SLC39A11: variants seen among roughly 807,000 people sequenced by gnomAD.
SLC39A11 encodes the protein solute carrier family 39 member 11.
A neutral mutation model predicts 36.1 loss-of-function variants in SLC39A11; 33 were observed. The observed-to-expected ratio is 0.91, with a 90% CI of 0.69 to 1.22. The LOEUF (loss-of-function observed/expected upper bound fraction) is 1.22. SLC39A11 is among the 50% of genes most tolerant of loss of function. The probability of loss-of-function intolerance (pLI) is 0.00; values close to 1 mark genes in which losing one functional copy is unlikely to be tolerated. For synonymous variants in SLC39A11, 166 were observed against 170.3 expected, an observed-to-expected ratio of 0.97 and a Z score of 0.20; for missense variants, 432 against 430.3, an observed-to-expected ratio of 1.00 and a Z score of -0.03.
rs202177814 is a variant in SLC39A11, at chr17:72,849,824, A to C, written c.431-20T>G. The C allele has an allele frequency of 1.4e-4, 197 of 1,372,128 alleles. 1 individual carries two copies. The African/African-American group carries it at 2.7e-3, about 19-fold the overall frequency. The allele number at this position is 1,372,128 out of a possible 1,614,324, so 85.0% of individuals were successfully genotyped here. On this transcript the variant is annotated intron_variant, in intron 5 of 9. Transcript: ENST00000255559. Reference sequence around the variant, plus strand: ...TCTTGTCTGAGCAAAAAAAAAAAAAAAGAGAGATGGGGAAAGACAGCGCTT... The same window carrying C: ...TCTTGTCTGAGCAAAAAAAAAAAAACAGAGAGATGGGGAAAGACAGCGCTT...
chr17:72,951,776 T>C (rs1172191460), intron 4 of SLC39A11, among the ~76,000 whole-genome samples: 1 of 152,126 alleles, frequency 6.6e-6, no homozygotes, highest in Non-Finnish European at 1.5e-5. Context: ...CATTATTAAC[T>C]GTAAAGACAG....
intron 3 of SLC39A11, among the ~76,000 whole-genome samples, chr17:73,058,497 C>T (rs1409931766): frequency 6.6e-6 from 1 of 152,096 alleles, no homozygotes; most frequent in African/African-American, 2.4e-5. Flanking sequence ...CCCAGACGGG[C>T]AGATCACCTG....
At chr17:72,887,419 C>G (rs7223107) in intron 5 of SLC39A11, among the ~76,000 whole-genome samples, 1 of 152,022 alleles carries the variant, frequency 6.6e-6, no homozygotes, top group South Asian at 2.1e-4. Context: ...GCACTTCTCC[C>G]GAGGGCTCTG....
intron 6 of SLC39A11, chr17:72,838,136 TAAAATTA>T: frequency 2.3e-6 from 1 of 426,970 alleles, no homozygotes; most frequent in Non-Finnish European, 4.0e-6. Flanking sequence ...AGAAAAAAAT[TAAAATTA>T]AAAATTAAAA....
At chr17:72,837,436 T>A (rs2078609218) in intron 6 of SLC39A11, among the ~76,000 whole-genome samples, 1 of 145,768 alleles carries the variant, frequency 6.9e-6, no homozygotes, top group Non-Finnish European at 1.5e-5. Flanking sequence ...ACAGAGATTA[T>A]CCCTTTGTGT....
At position 72,729,430 on chromosome 17, in the gene SLC39A11, TATATATA is replaced by T. The variant is rs2074090666; in HGVS notation, c.671+7213_671+7219del. Among the ~76,000 whole-genome samples the T allele has an allele frequency of 1.3e-3, 4 of 3,178 alleles. 1 individual carries two copies. The highest frequency in any genetic ancestry group is 7.6e-3 in the Admixed American group (2 of 264). 2.1% of individuals were successfully genotyped at this position (3,178 alleles called of 152,430 possible). A position where few individuals can be genotyped will look rare whatever the true frequency, so the allele number is the denominator to read the frequency against. On this transcript the variant is annotated intron_variant, in intron 7 of 9. Transcript: ENST00000255559. ...TTATATATATATATATATATATATA[TATATATA>T]TATATATATATATATATATATTTTT...
At chr17:72,980,272 A>T (rs1014806109) in intron 4 of SLC39A11, among the ~76,000 whole-genome samples, 8 of 152,238 alleles carry the variant, frequency 5.3e-5, no homozygotes, top group African/African-American at 1.9e-4. Flanking sequence ...CAGATGGAAT[A>T]TGTCATGAAA....
rs1192504793 is a variant in SLC39A11, at chr17:73,079,926, GA to G, written c.147+4881del. ...GCAAAATAATAATAATAATACTTAGGAATACACCTAACCAAGGAGGTGAAAG... is the reference window on the plus strand; with the variant it reads ...GCAAAATAATAATAATAATACTTAGGATACACCTAACCAAGGAGGTGAAAG... On this transcript the variant is annotated intron_variant, in intron 3 of 9. Transcript: ENST00000255559. 3.9e-5 allele frequency among the ~76,000 whole-genome samples: 6 copies of G among 152,024 alleles called. No individual in the cohort carries two copies. The South Asian group carries it at 1.2e-3, about 32-fold the overall frequency.
At chr17:73,030,194 T>A (rs544287724) in intron 4 of SLC39A11, among the ~76,000 whole-genome samples, 1 of 152,350 alleles carries the variant, frequency 6.6e-6, no homozygotes, top group Non-Finnish European at 1.5e-5. Flanking sequence ...GGCAGCTGGC[T>A]GCCCACCTCC....
intron 6 of SLC39A11, among the ~76,000 whole-genome samples, chr17:72,807,764 G>T (rs80025050): frequency 0.011 from 1,700 of 152,294 alleles, 26 homozygotes; most frequent in African/African-American, 0.038. Context: ...TATCCTTTTA[G>T]GATAAAGTGG....
At chr17:72,648,681 G>T in intron 9 of SLC39A11, 122 bp downstream of exon 9, 1 of 1,207,272 alleles carries the variant, frequency 8.3e-7, no homozygotes, top group Non-Finnish European at 1.2e-6. Context: ...ATGATCTTGG[G>T]AAGGGGCAGA....
rs145876771 is a variant in SLC39A11, at chr17:73,013,809, C to T, written c.306+17747G>A. On this transcript the variant is annotated intron_variant, in intron 4 of 9. Coordinates refer to ENST00000255559, the MANE Select transcript of SLC39A11 (RefSeq NM_139177.4). The stretch of plus-strand genomic sequence containing the variant: ...GTAAAGGATCACATCCACATGGTTT[C>T]AGGACCAATGAGGGGATAATGAAAG... Among the ~76,000 whole-genome samples the T allele has an allele frequency of 6.3e-4, 95 of 151,930 alleles. 1 individual carries two copies. Among genetic ancestry groups the T allele is most frequent in the African/African-American group, 2.2e-3 (93 of 41,404 alleles).
At chr17:73,026,200 G>GAAGAGAAGAGAAGAGGAGA (rs1555683108) in intron 4 of SLC39A11, among the ~76,000 whole-genome samples, 1 of 126,926 alleles carries the variant, frequency 7.9e-6, no homozygotes, top group Non-Finnish European at 1.6e-5. Flanking sequence ...AGAAGAGAAG[G>GAAGAGAAGAGAAGAGGAGA]GAAGAGAAGA....
intron 7 of SLC39A11, among the ~76,000 whole-genome samples, chr17:72,670,045 C>T (rs967010540): frequency 3.5e-5 from 5 of 142,348 alleles, no homozygotes; most frequent in Non-Finnish European, 7.7e-5. Flanking sequence ...CATATATATA[C>T]GTATAGATGT....
intron 6 of SLC39A11, among the ~76,000 whole-genome samples, chr17:72,756,911 A>C (rs1044642716): frequency 3.3e-5 from 5 of 151,426 alleles, no homozygotes; most frequent in African/African-American, 4.9e-5. Flanking sequence ...GCACTTTGGG[A>C]GACCGAGGCA....
At chr17:72,780,524 G>GGGGA (rs1410062332) in intron 6 of SLC39A11, among the ~76,000 whole-genome samples, 5 of 135,084 alleles carry the variant, frequency 3.7e-5, no homozygotes, top group Non-Finnish European at 4.9e-5. Context: ...TGAAGATGGG[G>GGGGA]GGCGGGTGGG....
At chr17:72,889,578 T>C (rs2081619219) in intron 5 of SLC39A11, among the ~76,000 whole-genome samples, 1 of 151,924 alleles carries the variant, frequency 6.6e-6, no homozygotes, top group Admixed American at 6.6e-5. Context: ...ACTGCTTTTA[T>C]ACATTCTGAC....
chr17:73,023,154 C>G (rs1275605897), intron 4 of SLC39A11, among the ~76,000 whole-genome samples: 1 of 152,124 alleles, frequency 6.6e-6, no homozygotes, highest in Non-Finnish European at 1.5e-5. Flanking sequence ...GAAGCGACCA[C>G]TGGTTCAGAA....
intron 5 of SLC39A11, among the ~76,000 whole-genome samples, chr17:72,919,417 C>T (rs973146259): frequency 2.6e-5 from 4 of 152,112 alleles, no homozygotes; most frequent in Admixed American, 6.5e-5. Context: ...ACAGCAACAA[C>T]GATGAATAGC....
Sources: allele counts gnomAD v4.1 joint callset (sites outside exome capture counted in the v4.1 genomes callset), GRCh38; gene constraint gnomAD v4.1.1; transcripts MANE v1.5; gene names NCBI Gene and HGNC (gene_info 2026-07-23, HGNC 2026-07-21).